The following NTRK3 variants were observed in gnomAD, a reference collection of about 807,000 sequenced individuals.
NTRK3 encodes the protein NT-3 growth factor receptor.
In NTRK3, 24 loss-of-function variants were observed where a neutral mutation model predicts 91.7. That is an observed-to-expected ratio of 0.26 (90% CI 0.19 to 0.37). The LOEUF is 0.37. NTRK3 is among the 10% of genes least tolerant of loss of function. The pLI is 1.00. For synonymous variants in NTRK3, 483 were observed against 404.0 expected (o/e 1.20, Z -2.34); for missense variants, 880 against 1,068.9 (o/e 0.82, Z 2.46).
At chr15:88,031,211 C>G (rs1026670624) in intron 14 of NTRK3, among the ~76,000 whole-genome samples, 4 of 152,220 alleles carry the variant, frequency 2.6e-5, no homozygotes, top group African/African-American at 9.7e-5. Context: ...AACCTCGTGT[C>G]TTCCCTAGGA....
intron 5 of NTRK3, among the ~76,000 whole-genome samples, chr15:88,147,853 A>G (rs55701650): frequency 2.2e-3 from 339 of 152,290 alleles, no homozygotes; most frequent in African/African-American, 7.8e-3. Flanking sequence ...TGTCTCTCCC[A>G]GCAAACATGC....
At chr15:87,932,980 G>A (rs777607941) in intron 16 of NTRK3, 32 bp downstream of exon 16, 5 of 1,612,456 alleles carry the variant, frequency 3.1e-6, no homozygotes, top group South Asian at 1.1e-5. Context: ...TGGGACTGGG[G>A]TCAGGTGCAG....
intron 13 of NTRK3, among the ~76,000 whole-genome samples, chr15:88,056,586 C>CA (rs2142380227): frequency 6.6e-6 from 1 of 152,294 alleles, no homozygotes; most frequent in Admixed American, 6.5e-5. Flanking sequence ...AAAATAATCT[C>CA]ACATGAATTT....
intron 13 of NTRK3, among the ~76,000 whole-genome samples, chr15:88,071,705 C>G (rs2047102107): frequency 6.6e-6 from 1 of 152,212 alleles, no homozygotes; most frequent in African/African-American, 2.4e-5. Context: ...CTCCAAGTTA[C>G]ATAGCTTGAA....
At chr15:88,151,623 G>C (rs1471003652) in intron 5 of NTRK3, among the ~76,000 whole-genome samples, 2 of 152,222 alleles carry the variant, frequency 1.3e-5, no homozygotes, top group Non-Finnish European at 2.9e-5. Context: ...CTGTTGCCAA[G>C]AGAAACCAAC....
chr15:87,937,674 T>A (rs2069424548), intron 15 of NTRK3, among the ~76,000 whole-genome samples: 1 of 152,148 alleles, frequency 6.6e-6, no homozygotes, highest in Admixed American at 6.5e-5. Flanking sequence ...ATAAATCAAT[T>A]TTATTAGAAT....
chr15:88,115,192 G>T (rs1033513462), intron 13 of NTRK3, among the ~76,000 whole-genome samples: 3 of 152,186 alleles, frequency 2.0e-5, no homozygotes, highest in African/African-American at 7.2e-5. Flanking sequence ...CCAAGCTCTT[G>T]GATGGCCCCT....
chr15:88,000,685 C>G (rs2076040983), intron 14 of NTRK3, among the ~76,000 whole-genome samples: 1 of 152,122 alleles, frequency 6.6e-6, no homozygotes, highest in Non-Finnish European at 1.5e-5. Context: ...TAGCAAGTAC[C>G]AATACTCTAT....
Position 87,992,883 on chromosome 15 carries a change from G to C in NTRK3, c.1585+39974C>G, listed in dbSNP as rs79391697. ...AGCTCTCTCTATTTCCCATGTGATA[G>C]ATACGGATTTCAGACAATTGAAGTC... On this transcript the variant is annotated intron_variant, in intron 14 of 18. Transcript: ENST00000394480. Among the ~76,000 whole-genome samples, 157 of 152,322 alleles carry C rather than the reference G, an allele frequency of 1.0e-3. 3 individuals are homozygous for C. The East Asian group carries it at 0.025, about 25-fold the overall frequency.
At chr15:88,217,134 G>A (rs999827535) in intron 3 of NTRK3, among the ~76,000 whole-genome samples, 3 of 152,240 alleles carry the variant, frequency 2.0e-5, no homozygotes, top group African/African-American at 7.2e-5. Context: ...TGGTGAGGAT[G>A]TGGAGACATT....
At chr15:88,163,614 C>T (rs1175496414) in intron 5 of NTRK3, among the ~76,000 whole-genome samples, 3 of 152,176 alleles carry the variant, frequency 2.0e-5, no homozygotes, top group Non-Finnish European at 4.4e-5. Context: ...ATACCTAGTA[C>T]AGAGTAGGTG....
chr15:88,084,262 C>G (rs1316667012), intron 13 of NTRK3, among the ~76,000 whole-genome samples: 1 of 152,090 alleles, frequency 6.6e-6, no homozygotes, highest in Non-Finnish European at 1.5e-5. Context: ...CCCTCACTCC[C>G]CTGCACCCCA....
At chr15:88,209,445 G>A (rs922881351) in intron 3 of NTRK3, among the ~76,000 whole-genome samples, 1 of 152,246 alleles carries the variant, frequency 6.6e-6, no homozygotes, top group African/African-American at 2.4e-5. Context: ...ATCAGTCAGA[G>A]ACCAGTCAGG....
At chr15:88,254,832 T>C (rs1215042358) in intron 3 of NTRK3, among the ~76,000 whole-genome samples, 1 of 152,060 alleles carries the variant, frequency 6.6e-6, no homozygotes, top group Non-Finnish European at 1.5e-5. Flanking sequence ...AGGTGAGAAT[T>C]ATCCTCTGAG....
At chr15:87,936,957 T>G (rs1261484085) in intron 15 of NTRK3, among the ~76,000 whole-genome samples, 2 of 152,200 alleles carry the variant, frequency 1.3e-5, no homozygotes, top group Non-Finnish European at 2.9e-5. Context: ...CATCTCTCTT[T>G]GCGTCCTGTC....
At chr15:87,914,720 C>T (rs1183224738) in intron 17 of NTRK3, among the ~76,000 whole-genome samples, 3 of 152,080 alleles carry the variant, frequency 2.0e-5, no homozygotes, top group African/African-American at 7.2e-5. Context: ...TGGGGATTGA[C>T]CCACTGGGTA....
chr15:88,168,733 G>C (rs1462353715), intron 5 of NTRK3, among the ~76,000 whole-genome samples: 5 of 108,852 alleles, frequency 4.6e-5, no homozygotes, highest in Non-Finnish European at 7.2e-5. Flanking sequence ...TTTTACTCCT[G>C]GGGGAAGACT....
At chr15:88,192,620 G>A (rs1209338157) in intron 3 of NTRK3, among the ~76,000 whole-genome samples, 2 of 152,096 alleles carry the variant, frequency 1.3e-5, no homozygotes, top group African/African-American at 4.8e-5. Flanking sequence ...GACATCACTG[G>A]AAGCCACCCT....
chr15:88,226,732 G>A (rs571505341), intron 3 of NTRK3, among the ~76,000 whole-genome samples: 12 of 152,172 alleles, frequency 7.9e-5, no homozygotes, highest in Non-Finnish European at 1.2e-4. Context: ...CTTGTGTCCC[G>A]TTCCATTATT....
Sources: gnomAD v4.1 joint callset for allele counts (sites outside exome capture counted in the v4.1 genomes callset) on GRCh38, gnomAD v4.1.1 for gene constraint, MANE v1.5 for transcripts, NCBI Gene and HGNC (gene_info 2026-07-23, HGNC 2026-07-21) for gene names.